The following ERC1 variants were observed in gnomAD, a reference collection of about 807,000 sequenced individuals.
ERC1 encodes the protein RAB6 interacting protein 2.
Under a neutral mutation model 132.0 loss-of-function variants are expected in ERC1, and 56 were observed. The ratio of observed to expected loss-of-function variants is 0.42; its 90% CI spans 0.34 to 0.53. The LOEUF is 0.53. Among genes scored for constraint, ERC1 ranks in the 20% least tolerant of loss-of-function variants. The pLI is 0.03. For missense variants in ERC1, 1,202 were observed against 1,349.9 expected (o/e 0.89, Z 1.72); for synonymous variants, 478 against 476.1 (o/e 1.00, Z -0.05).
At chr12:1,038,411 G>A (rs888603191) in intron 2 of ERC1, among the ~76,000 whole-genome samples, 3 of 151,926 alleles carry the variant, frequency 2.0e-5, no homozygotes, top group African/African-American at 7.3e-5. Context: ...GCCCAGGCTG[G>A]AGTGCAGTGG....
At chr12:1,005,416 C>G (rs555678258) in intron 1 of ERC1, among the ~76,000 whole-genome samples, 4 of 152,292 alleles carry the variant, frequency 2.6e-5, no homozygotes, top group Admixed American at 2.6e-4. Flanking sequence ...GTTGGGATTA[C>G]AGGCATGAGA....
intron 15 of ERC1, among the ~76,000 whole-genome samples, chr12:1,345,089 G>GA (rs2084310390): frequency 1.3e-5 from 2 of 150,924 alleles, no homozygotes; most frequent in African/African-American, 4.9e-5. Flanking sequence ...TGCACATATA[G>GA]AAAAAAATTA....
intron 6 of ERC1, among the ~76,000 whole-genome samples, chr12:1,114,155 C>T (rs1197257629): frequency 6.6e-6 from 1 of 152,116 alleles, no homozygotes. Context: ...TCCTGAGTAG[C>T]TGGGATTACA....
chr12:1,366,936 G>A (rs1232914514), intron 15 of ERC1, among the ~76,000 whole-genome samples: 1 of 152,116 alleles, frequency 6.6e-6, no homozygotes, highest in Admixed American at 6.5e-5. Flanking sequence ...AGATATACAG[G>A]GACCAAAGTT....
At chr12:1,050,602 GTTCTA>G (rs888376052) in intron 2 of ERC1, among the ~76,000 whole-genome samples, 25 of 152,056 alleles carry the variant, frequency 1.6e-4, no homozygotes, top group African/African-American at 6.0e-4. Context: ...CCTATTCTTT[GTTCTA>G]TTTATTTAGT....
chr12:1,179,525 T>G (rs1954139769), intron 8 of ERC1, among the ~76,000 whole-genome samples: 1 of 111,612 alleles, frequency 9.0e-6, no homozygotes, highest in South Asian at 2.5e-4. Flanking sequence ...TTTTTTTTTT[T>G]GAGACGGAGT....
intron 8 of ERC1, among the ~76,000 whole-genome samples, chr12:1,155,330 A>G (rs1951273570): frequency 6.6e-6 from 1 of 151,774 alleles, no homozygotes; most frequent in African/African-American, 2.4e-5. Context: ...AAAAAAAAAA[A>G]AAAAAAAAGA....
In ERC1 at chr12:991,247, C is replaced by CGGCGGCGGCGGCGGCGGCGGCAGT. The variant is rs1555186025; in HGVS notation, c.-218_-217insCGGCGGCAGTGGCGGCGGCGGCGG. ...CGCGGGCGCCTGGGCCGTGCTGTGGCGGCGGCGGCGGCGGTAGTGGCGGCG... is the reference window on the plus strand; with the variant it reads ...CGCGGGCGCCTGGGCCGTGCTGTGGCGGCGGCGGCGGCGGCGGCGGCAGTGGCGGCGGCGGCGGTAGTGGCGGCG... On this transcript the variant is annotated 5_prime_UTR_variant, in exon 1 of 19. Transcript: ENST00000360905. 3 of 158,402 alleles carry CGGCGGCGGCGGCGGCGGCGGCAGT rather than the reference C, an allele frequency of 1.9e-5. No homozygotes were observed. The highest frequency in any genetic ancestry group is 3.5e-4 in the South Asian group (2 of 5,742). 9.8% of individuals were successfully genotyped at this position (158,402 alleles called of 1,614,324 possible). A position where few individuals can be genotyped will look rare whatever the true frequency, so the allele number is the denominator to read the frequency against.
At chr12:1,074,898 T>G (rs1401057040) in intron 2 of ERC1, among the ~76,000 whole-genome samples, 2 of 152,094 alleles carry the variant, frequency 1.3e-5, no homozygotes. Context: ...GGTGAGAATG[T>G]TAAACAATTT....
At position 1,289,881 on chromosome 12, in the gene ERC1, G is replaced by C; in HGVS notation, c.2649G>C (p.Lys883Asn). The C allele has an allele frequency of 6.2e-7, 1 of 1,613,786 alleles. No homozygotes were observed. Residue 883 changes from lysine (K) to asparagine (N), a missense_variant, in exon 15 of 19, where the codon AAG becomes AAC. Transcript: ENST00000360905. ...AGGAGTTACTGATGGCCATGGAGAA[G>C]GTAAAGCAGGAACTAGAATCCATGA... ...QVEELLMAME[K>N]VKQELESMKA...
At chr12:1,189,486 G>A (rs1487174000) in intron 11 of ERC1, among the ~76,000 whole-genome samples, 1 of 152,174 alleles carries the variant, frequency 6.6e-6, no homozygotes, top group South Asian at 2.1e-4. Flanking sequence ...CCGGCTATAC[G>A]ATCAGCAGTG....
In ERC1 at chr12:1,156,164, C is replaced by T. The variant is rs1951373281; in HGVS notation, c.1737+14377C>T. 2.0e-5 allele frequency among the ~76,000 whole-genome samples: 3 copies of T among 152,218 alleles called. No individual in the cohort carries two copies. In the South Asian group the frequency reaches 6.2e-4, roughly 32 times the overall value. On this transcript the variant is annotated intron_variant, in intron 8 of 18. Coordinates refer to ENST00000360905, the MANE Select transcript of ERC1 (RefSeq NM_178040.4). The stretch of plus-strand genomic sequence containing the variant: ...TATCTACATGGTTTTCTGAATCATA[C>T]TTCTACCATAATTTAACTAAATTTA...
At position 1,270,359 on chromosome 12, in the gene ERC1, C is replaced by T. The variant is rs141936935; in HGVS notation, c.2619+7194C>T. ...AGTAGCTGGGACTAAAGGTGCCCAC[C>T]ACCACGCCTGGCTAATTTTTTTGCA... On this transcript the variant is annotated intron_variant, in intron 14 of 18. Transcript: ENST00000360905. Among the ~76,000 whole-genome samples the T allele has an allele frequency of 3.8e-3, 585 of 152,222 alleles. 1 individual carries two copies. The highest frequency in any genetic ancestry group is 0.013 in the African/African-American group (552 of 41,516).
At chr12:1,139,707 T>A (rs183052099) in intron 7 of ERC1, among the ~76,000 whole-genome samples, 50 of 121,300 alleles carry the variant, frequency 4.1e-4, no homozygotes, top group African/African-American at 2.2e-3. Context: ...CAGGTATGAT[T>A]TTTTTTTTTT....
intron 17 of ERC1, among the ~76,000 whole-genome samples, chr12:1,408,851 G>A (rs963342371): frequency 2.6e-5 from 4 of 152,156 alleles, no homozygotes; most frequent in African/African-American, 4.8e-5. Context: ...CTAGTTTCTT[G>A]GAAGAAGGGA....
At chr12:1,304,727 A>G (rs920472372) in intron 15 of ERC1, among the ~76,000 whole-genome samples, 3 of 143,416 alleles carry the variant, frequency 2.1e-5, no homozygotes, top group Non-Finnish European at 4.6e-5. Flanking sequence ...CCTTTAACAC[A>G]GTTCTATTAT....
intron 17 of ERC1, among the ~76,000 whole-genome samples, chr12:1,441,400 A>G (rs1465222764): frequency 6.6e-6 from 1 of 152,216 alleles, no homozygotes; most frequent in Non-Finnish European, 1.5e-5. Context: ...CTAAAAAGTC[A>G]GCATCCGCAG....
At chr12:1,026,614 T>C (rs992458199) in intron 1 of ERC1, among the ~76,000 whole-genome samples, 1 of 152,238 alleles carries the variant, frequency 6.6e-6, no homozygotes, top group African/African-American at 2.4e-5. Flanking sequence ...ACACATTGTT[T>C]TCTTAATGAA....
chr12:1,257,252 AG>A (rs1482340058), intron 13 of ERC1: 1 of 152,270 alleles, frequency 6.6e-6, no homozygotes, highest in Non-Finnish European at 1.5e-5. Context: ...GTGGAAGCAA[AG>A]GACTGAATCC....
Sources: gnomAD v4.1 joint callset for allele counts (sites outside exome capture counted in the v4.1 genomes callset) on GRCh38, gnomAD v4.1.1 for gene constraint, MANE v1.5 for transcripts, NCBI Gene and HGNC (gene_info 2026-07-23, HGNC 2026-07-21) for gene names.